The following TRERF1 variants were observed in gnomAD, a reference collection of about 807,000 sequenced individuals.
The protein encoded by TRERF1 is transcriptional-regulating factor 1.
In TRERF1, 27 loss-of-function variants were observed where a neutral mutation model predicts 122.9. That is an observed-to-expected ratio of 0.22 (90% confidence interval 0.16 to 0.30). The LOEUF (loss-of-function observed/expected upper bound fraction) is 0.30. Among genes scored for constraint, TRERF1 ranks in the 10% least tolerant of loss-of-function variants. TRERF1 has a pLI of 1.00. For synonymous variants in TRERF1, 636 were observed against 641.7 expected (o/e 0.99, Z 0.13); for missense variants, 1,248 against 1,560.3 (o/e 0.80, Z 3.37).
chr6:42,255,518 C>T (rs756045219), intron 12 of TRERF1, among the ~76,000 whole-genome samples: 1 of 152,312 alleles, frequency 6.6e-6, no homozygotes, highest in Non-Finnish European at 1.5e-5. Flanking sequence ...AACAGGAGTA[C>T]GTCCCTCACC....
At chr6:42,350,372 C>T (rs1442611376) in intron 3 of TRERF1, among the ~76,000 whole-genome samples, 2 of 152,224 alleles carry the variant, frequency 1.3e-5, no homozygotes, top group African/African-American at 2.4e-5. Context: ...GTCCCTGATG[C>T]TCCAACACAT....
chr6:42,291,591 T>C (rs1368260498), intron 4 of TRERF1, among the ~76,000 whole-genome samples: 1 of 152,154 alleles, frequency 6.6e-6, no homozygotes, highest in African/African-American at 2.4e-5. Flanking sequence ...TGGAGTGCAG[T>C]GGCACAATCT....
At chr6:42,308,325 T>C (rs1378574466) in intron 3 of TRERF1, among the ~76,000 whole-genome samples, 1 of 152,232 alleles carries the variant, frequency 6.6e-6, no homozygotes, top group Non-Finnish European at 1.5e-5. Flanking sequence ...ACAACATGGA[T>C]GAACCTCGAA....
chr6:42,283,350 G>C (rs865854823), intron 4 of TRERF1, among the ~76,000 whole-genome samples: 1 of 152,052 alleles, frequency 6.6e-6, no homozygotes, highest in East Asian at 1.9e-4. Flanking sequence ...TAGAGAGTAG[G>C]GAATTTGCAA....
intron 10 of TRERF1, among the ~76,000 whole-genome samples, chr6:42,257,641 T>C (rs1191998397): frequency 6.6e-6 from 1 of 152,246 alleles, no homozygotes; most frequent in Non-Finnish European, 1.5e-5. Context: ...GATTCCTGAC[T>C]CAATCTACTC....
At chr6:42,257,216 A>C in intron 10 of TRERF1, 114 bp from the exon 11 acceptor site, 2 of 1,313,682 alleles carry the variant, frequency 1.5e-6, no homozygotes, top group South Asian at 1.4e-5. Flanking sequence ...GCAAGAATGC[A>C]GGGGCATTTC....
At chr6:42,283,102 C>T (rs935326898) in intron 4 of TRERF1, among the ~76,000 whole-genome samples, 1 of 152,196 alleles carries the variant, frequency 6.6e-6, no homozygotes, top group Admixed American at 6.5e-5. Context: ...CACTTGGAGG[C>T]CATTTCAAAC....
chr6:42,399,286 T>C (rs1465575366), intron 2 of TRERF1, among the ~76,000 whole-genome samples: 3 of 152,182 alleles, frequency 2.0e-5, no homozygotes, highest in African/African-American at 7.2e-5. Flanking sequence ...AGTCAAATTA[T>C]AGTAATGAGC....
Position 42,275,761 on chromosome 6 carries a change from A to T in TRERF1, c.-258-5913T>A, listed in dbSNP as rs1272203104. 6.6e-6 allele frequency among the ~76,000 whole-genome samples: 1 copy of T among 152,236 alleles called. No homozygotes were observed. Among genetic ancestry groups the T allele is most frequent in the African/African-American group, 2.4e-5 (1 of 41,452 alleles). On this transcript the variant is annotated intron_variant, in intron 4 of 17. Coordinates refer to ENST00000372922, the Ensembl canonical transcript of TRERF1. The surrounding 1 kb of genome is among the most constrained non-coding windows in gnomAD (Gnocchi z 4.1). ...CCAAATTTATGGAGTGCTGTAGATA[A>T]TAACAAGGCTCTACAGAGACCTCCC...
intron 2 of TRERF1, among the ~76,000 whole-genome samples, chr6:42,370,759 C>T (rs1385707097): frequency 2.0e-5 from 3 of 152,162 alleles, no homozygotes; most frequent in Admixed American, 6.5e-5. Context: ...CTGCCAGCCC[C>T]CAAGAACAGA....
chr6:42,240,133 C>G (rs1354911538), intron 15 of TRERF1, among the ~76,000 whole-genome samples: 3 of 152,234 alleles, frequency 2.0e-5, no homozygotes, highest in Middle Eastern at 3.2e-3. Context: ...GTTAGTGTCA[C>G]TCCTCTGCTC....
chr6:42,355,040 C>A (rs914959254), intron 3 of TRERF1, among the ~76,000 whole-genome samples: 4 of 152,180 alleles, frequency 2.6e-5, no homozygotes, highest in African/African-American at 9.7e-5. Flanking sequence ...TCATCTACAA[C>A]TAAGCAATCT....
At chr6:42,330,690 C>T (rs775174772) in intron 3 of TRERF1, among the ~76,000 whole-genome samples, 7 of 152,086 alleles carry the variant, frequency 4.6e-5, no homozygotes, top group Non-Finnish European at 1.0e-4. Flanking sequence ...TTTTTTGAGA[C>T]AGAGTCTCAT....
At chr6:42,342,798 C>G (rs1382735151) in intron 3 of TRERF1, among the ~76,000 whole-genome samples, 2 of 152,230 alleles carry the variant, frequency 1.3e-5, no homozygotes, top group Non-Finnish European at 2.9e-5. Flanking sequence ...TCTCGTCAGT[C>G]TCTTTTTTGG....
In TRERF1 at chr6:42,232,843, C is replaced by A; in HGVS notation, c.3116G>T (p.Gly1039Val). The change falls in exon 17 of 18, where the codon GGC becomes GTC. Residue 1039 changes from glycine (G) to valine (V), a missense_variant. Physicochemically the swap from Gly to Val is moderately radical, Grantham distance 109. Around this residue, in one of 5 missense-constraint regions of TRERF1, gnomAD observed 159 missense variants for 221.7 expected, o/e 0.72. Coordinates refer to ENST00000372922, the Ensembl canonical transcript of TRERF1. This position sits in a 1 kb window ranked among gnomAD's most constrained non-coding sequence, Gnocchi z 4.5. ...TCGGGCCTTGGTCACCTGGTTGGTG[C>A]CCCCGTGGATGCGGGCATGGCCATT... 2 of 1,611,212 alleles carry A rather than the reference C, an allele frequency of 1.2e-6. No homozygotes were observed. Among genetic ancestry groups the A allele is most frequent in the Non-Finnish European group, 1.7e-6 (2 of 1,178,764 alleles).
chr6:42,268,368 T>C lies in TRERF1; in HGVS notation c.1223A>G (p.Lys408Arg), dbSNP rs1294941812. 1 of 1,531,026 alleles carries C rather than the reference T, an allele frequency of 6.5e-7. No individual in the cohort carries two copies. Among genetic ancestry groups the C allele is most frequent in the Non-Finnish European group, 8.8e-7 (1 of 1,141,120 alleles). The allele number at this position is 1,531,026 out of a possible 1,614,324, so 94.8% of individuals were successfully genotyped here. A position where few individuals can be genotyped will look rare whatever the true frequency, so the allele number is the denominator to read the frequency against. The change falls in exon 5 of 18, where the codon AAG becomes AGG. Residue 408 changes from lysine to arginine, a missense_variant. By Grantham distance (26) the Lys-to-Arg change is conservative. Around this residue, in one of 5 missense-constraint regions of TRERF1, gnomAD observed 946 missense variants for 1,073.0 expected, o/e 0.88. Transcript: ENST00000372922. This position sits in a 1 kb window ranked among gnomAD's most constrained non-coding sequence, Gnocchi z 4.4. ...GGCCTGTCTGTCACTAGAGTAGGTCTTCAGCTGACTGTCCTCACGCTGCTG... is the reference window on the plus strand; with the variant it reads ...GGCCTGTCTGTCACTAGAGTAGGTCCTCAGCTGACTGTCCTCACGCTGCTG...
chr6:42,403,444 G>A (rs1779711856), intron 2 of TRERF1, among the ~76,000 whole-genome samples: 1 of 152,088 alleles, frequency 6.6e-6, no homozygotes, highest in African/African-American at 2.4e-5. Flanking sequence ...TGGAGACAGG[G>A]ATTGCAGTGA....
chr6:42,398,579 G>C (rs1160032321), intron 2 of TRERF1, among the ~76,000 whole-genome samples: 1 of 152,084 alleles, frequency 6.6e-6, no homozygotes, highest in Non-Finnish European at 1.5e-5. Flanking sequence ...TTATGGTTCT[G>C]CCCCTCCAAC....
intron 3 of TRERF1, among the ~76,000 whole-genome samples, chr6:42,349,413 A>T (rs1426554725): frequency 6.6e-6 from 1 of 151,954 alleles, no homozygotes; most frequent in Non-Finnish European, 1.5e-5. Flanking sequence ...TGCTTGAACC[A>T]GTCTGGGTTG....
Sources: allele counts gnomAD v4.1 joint callset (sites outside exome capture counted in the v4.1 genomes callset), GRCh38; gene constraint gnomAD v4.1.1; regional missense constraint gnomAD v4.1.1; non-coding constraint Gnocchi (gnomAD v3.1); transcripts MANE v1.5; gene names NCBI Gene and HGNC (gene_info 2026-07-23, HGNC 2026-07-21).